The following KAZN variants were observed in gnomAD, a reference collection of about 807,000 sequenced individuals.
KAZN encodes the protein kazrin.
A neutral mutation model predicts 87.4 loss-of-function variants in KAZN; 40 were observed. That is an observed-to-expected ratio of 0.46 (90% CI 0.36 to 0.60). KAZN has a LOEUF of 0.60. Ranked by LOEUF, KAZN falls within the 20% of genes least tolerant of loss-of-function variation. KAZN has a pLI of 0.00. For missense variants in KAZN, 898 were observed against 1,073.9 expected, an observed-to-expected ratio of 0.84 and a Z score of 2.29; for synonymous variants, 466 against 458.3, an observed-to-expected ratio of 1.02 and a Z score of -0.22.
At chr1:14,376,174 C>A (rs1057384843) in intron 2 of KAZN, among the ~76,000 whole-genome samples, 1 of 152,116 alleles carries the variant, frequency 6.6e-6, no homozygotes, top group South Asian at 2.1e-4. Flanking sequence ...CAATCATCAT[C>A]GAAAGTATGC....
In KAZN at chr1:15,112,621, C is replaced by T. The variant is rs538581074; in HGVS notation, c.2163+80C>T. 9 of 386,258 alleles carry T rather than the reference C, an allele frequency of 2.3e-5. No individual in the cohort carries two copies. The East Asian group carries it at 3.7e-4, about 16-fold the overall frequency. The allele number at this position is 386,258 out of a possible 1,614,324, so 23.9% of individuals were successfully genotyped here. On this transcript the variant is annotated intron_variant, in intron 14 of 14. Transcript: ENST00000376030. ...TTTTCTCCTCCCGGGAGCTCTGTGGCTCCTGTGCTGGCCTGTGAAGGTGGA... is the reference window on the plus strand; with the variant it reads ...TTTTCTCCTCCCGGGAGCTCTGTGGTTCCTGTGCTGGCCTGTGAAGGTGGA...
At chr1:14,883,388 A>AAAGAAAGAAAGAAAGAAAGAAAGG (rs1653665310) in intron 1 of KAZN, among the ~76,000 whole-genome samples, 1 of 132,012 alleles carries the variant, frequency 7.6e-6, no homozygotes, top group Non-Finnish European at 1.6e-5. Flanking sequence ...AGAAAGAAAG[A>AAAGAAAGAAAGAAAGAAAGAAAGG]AAGAAAGAAA....
chr1:14,819,081 C>T (rs1646660645), intron 1 of KAZN, among the ~76,000 whole-genome samples: 1 of 152,104 alleles, frequency 6.6e-6, no homozygotes, highest in Non-Finnish European at 1.5e-5. Context: ...ATACTCAGTA[C>T]CAAGAAGGTC....
At chr1:14,676,033 G>A (rs926740911) in intron 1 of KAZN, among the ~76,000 whole-genome samples, 3 of 151,842 alleles carry the variant, frequency 2.0e-5, no homozygotes, top group Admixed American at 6.5e-5. Context: ...CTGACCGGAC[G>A]TGTTGGGAAT....
At chr1:14,365,371 G>GGGGT (rs1659902693) in intron 2 of KAZN, among the ~76,000 whole-genome samples, 1 of 87,408 alleles carries the variant, frequency 1.1e-5, no homozygotes, top group Non-Finnish European at 2.2e-5. Context: ...CCCGGGGTGG[G>GGGGT]GGGGGGGGGG....
intron 2 of KAZN, among the ~76,000 whole-genome samples, chr1:14,322,192 G>C (rs1656093073): frequency 6.6e-6 from 1 of 152,118 alleles, no homozygotes; most frequent in Admixed American, 6.5e-5. Context: ...TCAGGAGATT[G>C]AGGCAGGAGG....
In KAZN at chr1:14,184,572, A is replaced by T. The variant is rs1461451651; in HGVS notation, c.249+3980A>T. Among the ~76,000 whole-genome samples the T allele has an allele frequency of 6.6e-6, 1 of 152,154 alleles. No homozygotes were observed. The highest frequency in any genetic ancestry group is 2.4e-5 in the African/African-American group (1 of 41,456). ...GAGGCAGATCGGGAGCCCTGCCAGG[A>T]TCAGACACTGCATAGGATTTGGGTG... On this transcript the variant is annotated intron_variant, in intron 2 of 16. Transcript: ENST00000636203. The surrounding 1 kb of genome is among the most constrained non-coding windows in gnomAD (Gnocchi z 4.2).
intron 1 of KAZN, among the ~76,000 whole-genome samples, chr1:14,073,285 C>T (rs536325858): frequency 7.6e-4 from 116 of 152,260 alleles, no homozygotes; most frequent in African/African-American, 2.7e-3. Context: ...TGACAGTGGC[C>T]ACAAACTCTA....
chr1:14,293,219 G>T (rs930425306), intron 2 of KAZN, among the ~76,000 whole-genome samples: 1 of 152,106 alleles, frequency 6.6e-6, no homozygotes, highest in Admixed American at 6.5e-5. Flanking sequence ...GCCCCGAAGG[G>T]AACCAATATT....
At chr1:14,490,354 T>TA (rs1310352558) in intron 2 of KAZN, among the ~76,000 whole-genome samples, 2 of 152,224 alleles carry the variant, frequency 1.3e-5, no homozygotes, top group Admixed American at 6.5e-5. Flanking sequence ...AGACACAGTT[T>TA]AATTTTTGTA....
intron 1 of KAZN, among the ~76,000 whole-genome samples, chr1:14,683,628 T>C (rs1319436418): frequency 6.6e-6 from 1 of 152,200 alleles, no homozygotes; most frequent in Non-Finnish European, 1.5e-5. Flanking sequence ...TTAACCTCAT[T>C]AGAGTATCAG....
intron 1 of KAZN, among the ~76,000 whole-genome samples, chr1:13,984,691 G>A (rs931095040): frequency 6.6e-6 from 1 of 152,298 alleles, no homozygotes; most frequent in Admixed American, 6.5e-5. Flanking sequence ...GGACATACTA[G>A]GTAGAGACTG....
At chr1:14,148,198 C>CAAAACAAAACAA (rs111282433) in intron 1 of KAZN, among the ~76,000 whole-genome samples, 61,197 of 151,482 alleles carry the variant, frequency 0.4, 12,688 homozygotes, top group Middle Eastern at 0.5. Context: ...GACCCTGTCT[C>CAAAACAAAACAA]AAAACAAAAC....
chr1:14,931,783 G>A (rs1284407788), intron 1 of KAZN, among the ~76,000 whole-genome samples: 1 of 152,152 alleles, frequency 6.6e-6, no homozygotes, highest in Non-Finnish European at 1.5e-5. Context: ...GCCCAGGCTG[G>A]AGCACAGGGA....
At chr1:14,852,145 T>C (rs1052966720) in intron 1 of KAZN, among the ~76,000 whole-genome samples, 1 of 152,218 alleles carries the variant, frequency 6.6e-6, no homozygotes, top group East Asian at 1.9e-4. Context: ...CTTCTCCTTC[T>C]CTGCGTCCCT....
chr1:13,975,483 C>T (rs1638305166), intron 1 of KAZN, among the ~76,000 whole-genome samples: 1 of 152,118 alleles, frequency 6.6e-6, no homozygotes, highest in African/African-American at 2.4e-5. Flanking sequence ...GCTGCATGTG[C>T]CTAATTTGCA....
intron 2 of KAZN, among the ~76,000 whole-genome samples, chr1:14,332,636 C>G (rs1456252490): frequency 6.6e-6 from 1 of 152,136 alleles, no homozygotes; most frequent in African/African-American, 2.4e-5. Context: ...CTTAATTGCA[C>G]CTCCTATGGA....
At chr1:14,334,124 G>C (rs554394396) in intron 2 of KAZN, among the ~76,000 whole-genome samples, 1 of 152,052 alleles carries the variant, frequency 6.6e-6, no homozygotes, top group Non-Finnish European at 1.5e-5. Flanking sequence ...CTAGCACTTC[G>C]GGAGGCCAAG....
intron 2 of KAZN, among the ~76,000 whole-genome samples, chr1:14,523,508 C>T (rs1199168757): frequency 1.3e-5 from 2 of 152,246 alleles, no homozygotes; most frequent in East Asian, 3.8e-4. Context: ...TGTGTCCCAT[C>T]CCTGCAAATG....
Sources: allele counts gnomAD v4.1 joint callset (sites outside exome capture counted in the v4.1 genomes callset), GRCh38; gene constraint gnomAD v4.1.1; non-coding constraint Gnocchi (gnomAD v3.1); transcripts MANE v1.5; gene names NCBI Gene and HGNC (gene_info 2026-07-23, HGNC 2026-07-21).